The following ADGRB3 variants were observed in gnomAD, a reference collection of about 807,000 sequenced individuals.
The protein encoded by ADGRB3 is adhesion G protein-coupled receptor B3, also known as brain-specific angiogenesis inhibitor 3.
In ADGRB3, 37 loss-of-function variants were observed where a neutral mutation model predicts 193.4. That is an observed-to-expected ratio of 0.19 (90% CI 0.15 to 0.25). The LOEUF (loss-of-function observed/expected upper bound fraction) is 0.25. Ranked by LOEUF, ADGRB3 falls within the 10% of genes least tolerant of loss-of-function variation. The pLI is 1.00. For missense variants in ADGRB3, 1,637 were observed against 1,852.9 expected, an observed-to-expected ratio of 0.88 and a Z score of 2.14; for synonymous variants, 690 against 644.2, an observed-to-expected ratio of 1.07 and a Z score of -1.08.
At chr6:69,291,634 C>T (rs577678764) in intron 20 of ADGRB3, among the ~76,000 whole-genome samples, 1 of 151,976 alleles carries the variant, frequency 6.6e-6, no homozygotes, top group Admixed American at 6.6e-5. Context: ...AACCTGAAGC[C>T]CAGTTTAGGG....
chr6:69,218,068 C>G (rs949803340), intron 17 of ADGRB3, among the ~76,000 whole-genome samples: 4 of 81,246 alleles, frequency 4.9e-5, no homozygotes, highest in Non-Finnish European at 9.6e-5. Context: ...CTCCAGCTGA[C>G]AAAAAAAAAA....
At chr6:68,910,739 G>T (rs1021063360) in intron 3 of ADGRB3, among the ~76,000 whole-genome samples, 102 of 152,090 alleles carry the variant, frequency 6.7e-4, no homozygotes, top group Middle Eastern at 6.8e-3. Context: ...TATTTCTGAG[G>T]GCTCTGTTCT....
rs116258620 is a variant in ADGRB3, at chr6:68,998,021, T to G, written c.1929+4059T>G. Among the ~76,000 whole-genome samples, 1,380 of 152,302 alleles carry G rather than the reference T, an allele frequency of 9.1e-3. 21 individuals carry two copies. Among genetic ancestry groups the G allele is most frequent in the African/African-American group, 0.032 (1,318 of 41,576 alleles). The stretch of plus-strand genomic sequence containing the variant: ...TGAACCCTTAAAATTTCAAATTATA[T>G]AAGTTATTATTGTTGTCATCTCCTA... On this transcript the variant is annotated intron_variant, in intron 11 of 31. Transcript: ENST00000370598.
intron 3 of ADGRB3, among the ~76,000 whole-genome samples, chr6:68,838,716 T>C (rs1408915036): frequency 6.6e-6 from 1 of 152,222 alleles, no homozygotes; most frequent in African/African-American, 2.4e-5. Flanking sequence ...TTATACAAAT[T>C]GCTTTACCTC....
chr6:69,232,701 G>C, intron 17 of ADGRB3: 1 of 1,312,652 alleles, frequency 7.6e-7, no homozygotes, highest in Non-Finnish European at 1.0e-6. Context: ...TGCCGCTGCT[G>C]CTGCTTCCCG....
chr6:69,330,188 A>C (rs554268946), intron 22 of ADGRB3, among the ~76,000 whole-genome samples: 1 of 152,216 alleles, frequency 6.6e-6, no homozygotes, highest in Non-Finnish European at 1.5e-5. Flanking sequence ...TATAAAATGT[A>C]AATAATACTC....
rs190645408 is a variant in ADGRB3, at chr6:68,911,293, G to A, written c.758-19266G>A. 9.1e-3 allele frequency among the ~76,000 whole-genome samples: 1,369 copies of A among 150,698 alleles called. 20 individuals are homozygous for A. The highest frequency in any genetic ancestry group is 0.032 in the African/African-American group (1,298 of 40,698). On this transcript the variant is annotated intron_variant, in intron 3 of 31. Coordinates refer to ENST00000370598, the MANE Select transcript of ADGRB3 (RefSeq NM_001704.3). Reference sequence around the variant, plus strand: ...GGGGTGGGGGGAGGGGGGAGGGCTAGCATTAGGAGATATACCTAATGTTAA... The same window carrying A: ...GGGGTGGGGGGAGGGGGGAGGGCTAACATTAGGAGATATACCTAATGTTAA...
At chr6:69,283,354 G>C (rs1397968281) in intron 20 of ADGRB3, among the ~76,000 whole-genome samples, 2 of 152,128 alleles carry the variant, frequency 1.3e-5, no homozygotes, top group Non-Finnish European at 2.9e-5. Flanking sequence ...ACAATTTCAT[G>C]CTTCACCCTT....
At chr6:69,355,649 GAA>G (rs1464233138) in intron 27 of ADGRB3, among the ~76,000 whole-genome samples, 170 bp from the exon 28 acceptor site, 2 of 152,048 alleles carry the variant, frequency 1.3e-5, no homozygotes, top group African/African-American at 4.8e-5. Context: ...TTGGGCTCTA[GAA>G]AACACTGTTG....
At position 69,189,890 on chromosome 6, in the gene ADGRB3, A is replaced by G. The variant is rs144248279; in HGVS notation, c.2481-43400A>G. On this transcript the variant is annotated intron_variant, in intron 17 of 31. Transcript: ENST00000370598. ...TGGTCAATGATGGACTACATATACA[A>G]TGGTGGCCTAGTAATATTATAATAG... 4.0e-3 allele frequency among the ~76,000 whole-genome samples: 607 copies of G among 152,288 alleles called. 2 individuals are homozygous for G. Among genetic ancestry groups the G allele is most frequent in the Non-Finnish European group, 7.3e-3 (496 of 68,024 alleles).
At chr6:68,963,249 G>A (rs913685359) in intron 8 of ADGRB3, among the ~76,000 whole-genome samples, 6 of 152,112 alleles carry the variant, frequency 3.9e-5, no homozygotes, top group South Asian at 2.1e-4. Context: ...ATAATAATAT[G>A]TGCTGCAGAA....
intron 17 of ADGRB3, among the ~76,000 whole-genome samples, chr6:69,130,228 C>G (rs1244101849): frequency 6.6e-6 from 1 of 151,968 alleles, no homozygotes; most frequent in Admixed American, 6.6e-5. Flanking sequence ...ATCCCAATTA[C>G]AACATCTCCA....
intron 10 of ADGRB3, among the ~76,000 whole-genome samples, chr6:68,977,181 T>G (rs1768776044): frequency 6.6e-6 from 1 of 151,296 alleles, no homozygotes; most frequent in Admixed American, 6.6e-5. Context: ...TAGCTTAGCT[T>G]CATAATATAA....
chr6:69,359,606 A>G (rs2127331320), intron 28 of ADGRB3, among the ~76,000 whole-genome samples: 1 of 152,010 alleles, frequency 6.6e-6, no homozygotes, highest in South Asian at 2.1e-4. Context: ...AGGGAAAGAC[A>G]TAATCTTTTT....
At chr6:69,320,091 T>A (rs1768411217) in intron 20 of ADGRB3, among the ~76,000 whole-genome samples, 1 of 151,468 alleles carries the variant, frequency 6.6e-6, no homozygotes, top group Non-Finnish European at 1.5e-5. Flanking sequence ...TACTGAACCA[T>A]TAACATAAAT....
intron 17 of ADGRB3, among the ~76,000 whole-genome samples, chr6:69,218,687 G>A (rs1457862008): frequency 1.3e-5 from 2 of 152,108 alleles, no homozygotes; most frequent in Admixed American, 6.6e-5. Context: ...GCTTTGTTCT[G>A]CAAGTCTGGT....
chr6:69,009,143 G>A (rs974377781), intron 11 of ADGRB3, among the ~76,000 whole-genome samples: 2 of 152,064 alleles, frequency 1.3e-5, no homozygotes, highest in South Asian at 4.1e-4. Flanking sequence ...TACACTGGGG[G>A]CACAAGAGTG....
intron 3 of ADGRB3, among the ~76,000 whole-genome samples, chr6:68,658,884 A>G (rs1034213199): frequency 5.3e-5 from 8 of 151,190 alleles, no homozygotes; most frequent in African/African-American, 1.9e-4. Context: ...TTATCTTTTA[A>G]TGATTTTAAG....
intron 3 of ADGRB3, among the ~76,000 whole-genome samples, chr6:68,703,494 T>C (rs1022349626): frequency 1.3e-5 from 2 of 152,150 alleles, no homozygotes; most frequent in African/African-American, 4.8e-5. Flanking sequence ...AAGAATTATT[T>C]TTCAACACTG....
Sources: allele counts gnomAD v4.1 joint callset (sites outside exome capture counted in the v4.1 genomes callset), GRCh38; gene constraint gnomAD v4.1.1; transcripts MANE v1.5; gene names NCBI Gene and HGNC (gene_info 2026-07-23, HGNC 2026-07-21).